The following GRIP1 variants were observed in gnomAD, a reference collection of about 807,000 sequenced individuals.
The protein encoded by GRIP1 is glutamate receptor interacting protein 1.
Under a neutral mutation model 129.9 loss-of-function variants are expected in GRIP1, and 45 were observed. That is an observed-to-expected ratio of 0.35 (90% CI 0.27 to 0.44). The LOEUF (loss-of-function observed/expected upper bound fraction) is 0.44, where lower values mean the gene tolerates loss of function less well. GRIP1 is among the 20% of genes least tolerant of loss of function. The probability of loss-of-function intolerance (pLI) is 1.00; values close to 1 mark genes in which losing one functional copy is unlikely to be tolerated. For synonymous variants in GRIP1, 530 were observed against 520.8 expected (o/e 1.02, Z -0.24); for missense variants, 1,196 against 1,396.8 (o/e 0.86, Z 2.29).
chr12:66,747,116 C>A (rs1170670719), intron 1 of GRIP1, among the ~76,000 whole-genome samples: 2 of 151,522 alleles, frequency 1.3e-5, no homozygotes, highest in African/African-American at 4.9e-5. Flanking sequence ...ACCAAAAGAG[C>A]CTATTTAGTT....
intron 1 of GRIP1, among the ~76,000 whole-genome samples, chr12:66,753,424 A>T (rs1302825689): frequency 6.6e-6 from 1 of 152,172 alleles, no homozygotes; most frequent in Non-Finnish European, 1.5e-5. Context: ...AAGGTCCCCA[A>T]ATCATTCTGT....
At chr12:66,948,880 A>T (rs1433765908) in intron 1 of GRIP1, among the ~76,000 whole-genome samples, 1 of 152,216 alleles carries the variant, frequency 6.6e-6, no homozygotes, top group Non-Finnish European at 1.5e-5. Context: ...TTGTATGTCT[A>T]ACAAATTGTA....
At chr12:67,049,341 C>T (rs903640507) in intron 1 of GRIP1, among the ~76,000 whole-genome samples, 4 of 152,060 alleles carry the variant, frequency 2.6e-5, no homozygotes, top group Non-Finnish European at 5.9e-5. Context: ...TAAGACTTAG[C>T]TTATTTTGGC....
chr12:66,476,508 T>G (rs970736558), intron 7 of GRIP1, among the ~76,000 whole-genome samples: 2 of 152,192 alleles, frequency 1.3e-5, no homozygotes, highest in African/African-American at 4.8e-5. Flanking sequence ...CCTCCCTAAC[T>G]CATTTTATGC....
At chr12:67,021,517 A>C in intron 1 of GRIP1, among the ~76,000 whole-genome samples, 1 of 152,258 alleles carries the variant, frequency 6.6e-6, no homozygotes, top group Non-Finnish European at 1.5e-5. Context: ...TTTTTATTTA[A>C]TTGACACATA....
At chr12:66,370,280 TCTC>T (rs1476659656) in intron 23 of GRIP1, among the ~76,000 whole-genome samples, 1 of 152,188 alleles carries the variant, frequency 6.6e-6, no homozygotes, top group Non-Finnish European at 1.5e-5. Context: ...TCCCAGGCAG[TCTC>T]CTCATTAGAC....
At chr12:66,718,737 A>T (rs4913493) in intron 1 of GRIP1, among the ~76,000 whole-genome samples, 59,947 of 151,918 alleles carry the variant, frequency 0.39, 12,084 homozygotes, top group South Asian at 0.51. Flanking sequence ...CTGTAATCCC[A>T]GCTACTCTGG....
chr12:66,381,612 A>T (rs7975938), intron 19 of GRIP1, among the ~76,000 whole-genome samples: 1 of 152,220 alleles, frequency 6.6e-6, no homozygotes, highest in African/African-American at 2.4e-5. Flanking sequence ...TGACCACTGA[A>T]TTCCCTGGTG....
At chr12:66,996,258 A>C (rs1330945023) in intron 1 of GRIP1, among the ~76,000 whole-genome samples, 1 of 152,210 alleles carries the variant, frequency 6.6e-6, no homozygotes, top group Non-Finnish European at 1.5e-5. Context: ...TGTGAATATA[A>C]TGAAGTCACT....
chr12:66,433,086 C>T (rs2058197677), intron 13 of GRIP1, among the ~76,000 whole-genome samples: 2 of 152,008 alleles, frequency 1.3e-5, no homozygotes, highest in Non-Finnish European at 2.9e-5. Flanking sequence ...AATTCTTCCC[C>T]CCACCTCCAC....
At chr12:66,476,145 A>T (rs1304660039) in intron 7 of GRIP1, among the ~76,000 whole-genome samples, 1 of 152,190 alleles carries the variant, frequency 6.6e-6, no homozygotes, top group Non-Finnish European at 1.5e-5. Context: ...GAAAAGAGGG[A>T]AGAATCAAAT....
intron 13 of GRIP1, 98 bp from the exon 14 acceptor site, chr12:66,432,726 G>A (rs1417391042): frequency 5.7e-6 from 4 of 697,854 alleles, no homozygotes; most frequent in Non-Finnish European, 9.9e-6. Context: ...ATAATCATAT[G>A]TAGCTAAAAC....
chr12:66,360,784 T>C (rs1336034986), intron 23 of GRIP1, among the ~76,000 whole-genome samples: 2 of 152,220 alleles, frequency 1.3e-5, no homozygotes, highest in African/African-American at 4.8e-5. Context: ...AGGCTTTAAC[T>C]GCAGAGCCAA....
intron 2 of GRIP1, among the ~76,000 whole-genome samples, chr12:66,542,823 G>C (rs1212590947): frequency 1.3e-5 from 2 of 152,090 alleles, no homozygotes; most frequent in African/African-American, 4.8e-5. Flanking sequence ...ATATTTTCTT[G>C]GTAGGGATGG....
intron 1 of GRIP1, among the ~76,000 whole-genome samples, chr12:67,007,760 A>G (rs2135705741): frequency 6.6e-6 from 1 of 152,300 alleles, no homozygotes; most frequent in South Asian, 2.1e-4. Context: ...CTTGCCACAC[A>G]AATCAAAGAT....
At chr12:66,873,633 T>A (rs2137162733) in intron 1 of GRIP1, among the ~76,000 whole-genome samples, 1 of 152,212 alleles carries the variant, frequency 6.6e-6, no homozygotes, top group South Asian at 2.1e-4. Context: ...AATACTAAAA[T>A]CTTTTAGTTA....
At chr12:66,734,468 G>A (rs2036534285) in intron 1 of GRIP1, among the ~76,000 whole-genome samples, 1 of 152,018 alleles carries the variant, frequency 6.6e-6, no homozygotes, top group Non-Finnish European at 1.5e-5. Flanking sequence ...GAGAAATGTG[G>A]TTTCTACAGT....
chr12:66,354,552 C>T (rs575765521), intron 23 of GRIP1, among the ~76,000 whole-genome samples: 2 of 152,252 alleles, frequency 1.3e-5, no homozygotes, highest in Non-Finnish European at 2.9e-5. Context: ...GAGGGGGCCA[C>T]GGGTTTTACC....
At chr12:67,022,115 G>A (rs542358153) in intron 1 of GRIP1, among the ~76,000 whole-genome samples, 70 of 152,182 alleles carry the variant, frequency 4.6e-4, no homozygotes, top group African/African-American at 1.6e-3. Flanking sequence ...AATCAACATG[G>A]GAGTGTTCTC....
Sources: allele counts gnomAD v4.1 joint callset (sites outside exome capture counted in the v4.1 genomes callset), GRCh38; gene constraint gnomAD v4.1.1; transcripts MANE v1.5; gene names NCBI Gene and HGNC (gene_info 2026-07-23, HGNC 2026-07-21).